The following DCAF5 variants were observed in gnomAD, a reference collection of about 807,000 sequenced individuals.
The protein encoded by DCAF5 is DDB1 and CUL4 associated factor 5, also known as DDB1- and CUL4-associated factor 5.
In DCAF5, 9 loss-of-function variants were observed where a neutral mutation model predicts 80.7. The observed-to-expected ratio is 0.11, with a 90% CI of 0.07 to 0.19. The LOEUF (loss-of-function observed/expected upper bound fraction) is 0.19, where lower values mean the gene tolerates loss of function less well. Among genes scored for constraint, DCAF5 ranks in the 10% least tolerant of loss-of-function variants. The pLI is 1.00. For synonymous variants in DCAF5, 433 were observed against 461.9 expected, an observed-to-expected ratio of 0.94 and a Z score of 0.80; for missense variants, 842 against 1,205.7, an observed-to-expected ratio of 0.70 and a Z score of 4.47.
At chr14:69,065,253 T>C (rs145194481) in intron 7 of DCAF5, among the ~76,000 whole-genome samples, 10,963 of 152,020 alleles carry the variant, frequency 0.072, 1,272 homozygotes, top group African/African-American at 0.24. Flanking sequence ...TCCACCACCA[T>C]GCCCAGCTAA....
At chr14:69,151,255 A>G (rs11158790) in intron 1 of DCAF5, among the ~76,000 whole-genome samples, 47,684 of 152,072 alleles carry the variant, frequency 0.31, 9,560 homozygotes, top group East Asian at 0.9. Flanking sequence ...CTAGTCAAAG[A>G]GAAAACGATC....
Position 69,054,339 on chromosome 14 carries a change from T to A in DCAF5, c.2347A>T (p.Lys783Ter). The change falls in exon 9 of 9, where the codon AAG (lysine) becomes TAG (stop). Residue 783 changes from lysine to a stop codon, truncating the protein, a stop_gained. Coordinates refer to ENST00000341516, the MANE Select transcript of DCAF5 (RefSeq NM_003861.3). LOFTEE classifies it high-confidence loss of function. ...HPFETKKLNG[K>*]ALSSRAEEPP... ...TCCTCAGCCCGACTGCTCAGGGCCT[T>A]TCCATTGAGCTTCTTGGTTTCAAAA... 6.2e-7 allele frequency: 1 copy of A among 1,614,182 alleles called. No homozygotes were observed. The highest frequency in any genetic ancestry group is 8.5e-7 in the Non-Finnish European group (1 of 1,180,038).
At chr14:69,137,287 G>T (rs996146943) in intron 1 of DCAF5, among the ~76,000 whole-genome samples, 3 of 152,106 alleles carry the variant, frequency 2.0e-5, no homozygotes, top group African/African-American at 7.2e-5. Flanking sequence ...AAGTTATTAA[G>T]TTAGTGGATG....
intron 8 of DCAF5, among the ~76,000 whole-genome samples, chr14:69,061,011 AT>A (rs574427953): frequency 1.1e-3 from 161 of 146,082 alleles, no homozygotes; most frequent in African/African-American, 1.5e-3. Context: ...AAAATTGAGG[AT>A]TTTTTTTTTT....
At chr14:69,126,478 A>T (rs2040878736) in intron 1 of DCAF5, among the ~76,000 whole-genome samples, 1 of 152,152 alleles carries the variant, frequency 6.6e-6, no homozygotes, top group Admixed American at 6.5e-5. Flanking sequence ...TTTTTAAGAT[A>T]TCAGTTCTTC....
chr14:69,108,167 T>C (rs997293516), intron 5 of DCAF5, among the ~76,000 whole-genome samples: 2 of 152,232 alleles, frequency 1.3e-5, no homozygotes, highest in Non-Finnish European at 2.9e-5. Flanking sequence ...AGAGATCCTT[T>C]CCTCTAGAAG....
rs372758352 is a variant in DCAF5, at chr14:69,152,754, G to A, written c.214+11C>T. ...CGGGGAGGCGCGGGGAGGGGAAGGGGGTTGATTTACCTGAGACCAGCCACT... is the reference window on the plus strand; with the variant it reads ...CGGGGAGGCGCGGGGAGGGGAAGGGAGTTGATTTACCTGAGACCAGCCACT... On this transcript the variant is annotated intron_variant, in intron 1 of 8. Coordinates refer to ENST00000341516, the MANE Select transcript of DCAF5 (RefSeq NM_003861.3). The surrounding 1 kb of genome is among the most constrained non-coding windows in gnomAD (Gnocchi z 4.1). 2.5e-6 allele frequency: 4 copies of A among 1,610,736 alleles called. No homozygotes were observed. The highest frequency in any genetic ancestry group is 1.3e-5 in the African/African-American group (1 of 74,828).
rs1342362617 is a variant in DCAF5, at chr14:69,153,081, A to C, written c.-103T>G. ...GCCCTCCCCCCGCGCTGCGATCCGG[A>C]TGGTTCTTTAACCAGCCATGGCAGG... On this transcript the variant is annotated 5_prime_UTR_variant, in exon 1 of 9. Transcript: ENST00000341516. The C allele has an allele frequency of 2.1e-6, 2 of 938,986 alleles. No homozygotes were observed. Among genetic ancestry groups the C allele is most frequent in the East Asian group, 3.2e-5 (1 of 31,014 alleles). 58.2% of individuals were successfully genotyped at this position (938,986 alleles called of 1,614,324 possible). A position where few individuals can be genotyped will look rare whatever the true frequency, so the allele number is the denominator to read the frequency against.
rs1411866053 is a variant in DCAF5 at position 69,051,327 on chromosome 14, T to A, written c.*2530A>T. On this transcript the variant is annotated 3_prime_UTR_variant, in exon 9 of 9. Transcript: ENST00000341516. Reference sequence around the variant, plus strand: ...TAAATGTGCCATCAAAGTTGGGGCCTCAATTCTAAAAGAGTTTAGGCAAAG... The same window carrying A: ...TAAATGTGCCATCAAAGTTGGGGCCACAATTCTAAAAGAGTTTAGGCAAAG... The A allele has an allele frequency of 6.6e-6, 1 of 152,624 alleles. No homozygotes were observed. Among genetic ancestry groups the A allele is most frequent in the East Asian group, 1.9e-4 (1 of 5,202 alleles). 9.5% of individuals were successfully genotyped at this position (152,624 alleles called of 1,614,324 possible). A position where few individuals can be genotyped will look rare whatever the true frequency, so the allele number is the denominator to read the frequency against.
intron 7 of DCAF5, among the ~76,000 whole-genome samples, chr14:69,063,583 GCTCCAAGTGC>G (rs1328915548): frequency 6.6e-6 from 1 of 152,180 alleles, no homozygotes; most frequent in African/African-American, 2.4e-5. Flanking sequence ...GACAGTCTCT[GCTCCAAGTGC>G]CTCCTTCCAC....
chr14:69,052,540 C>T lies in DCAF5; in HGVS notation c.*1317G>A, dbSNP rs559455517. ...CCAGACCTTCCTGTTTTGCACAACC[C>T]TTCATAGATAACCGAGTGACTGCAA... On this transcript the variant is annotated 3_prime_UTR_variant, in exon 9 of 9. Transcript: ENST00000341516. 7.9e-5 allele frequency: 12 copies of T among 152,772 alleles called. No homozygotes were observed. In the East Asian group the frequency reaches 2.3e-3, roughly 29 times the overall value. 9.5% of individuals were successfully genotyped at this position (152,772 alleles called of 1,614,324 possible).
At chr14:69,151,693 G>A (rs947846359) in intron 1 of DCAF5, among the ~76,000 whole-genome samples, 1 of 152,128 alleles carries the variant, frequency 6.6e-6, no homozygotes, top group African/African-American at 2.4e-5. Context: ...ACCCCAGGGA[G>A]GAGGGGACGA....
At chr14:69,105,280 C>A (rs1320800950) in intron 5 of DCAF5, among the ~76,000 whole-genome samples, 1 of 151,996 alleles carries the variant, frequency 6.6e-6, no homozygotes, top group African/African-American at 2.4e-5. Context: ...ATGTGTATAT[C>A]CATATATGTA....
Position 69,079,876 on chromosome 14 carries a change from T to C in DCAF5, c.880-4465A>G, listed in dbSNP as rs188333280. 2.0e-4 allele frequency among the ~76,000 whole-genome samples: 30 copies of C among 152,194 alleles called. No individual in the cohort carries two copies. The South Asian group carries it at 5.2e-3, about 26-fold the overall frequency. On this transcript the variant is annotated intron_variant, in intron 6 of 8. Coordinates refer to ENST00000341516, the MANE Select transcript of DCAF5 (RefSeq NM_003861.3). ...ATAATGTGTCCAGTGGTGACAAATA[T>C]TACAGAGGAAAATTAAACAGCAGGT...
intron 8 of DCAF5, among the ~76,000 whole-genome samples, chr14:69,060,816 G>C (rs916255601): frequency 8.5e-5 from 13 of 152,102 alleles, no homozygotes; most frequent in African/African-American, 3.1e-4. Flanking sequence ...ACAGGCGTGA[G>C]CCACCACGCC....
At chr14:69,112,407 GA>G (rs1371842509) in intron 5 of DCAF5, among the ~76,000 whole-genome samples, 13 of 152,070 alleles carry the variant, frequency 8.5e-5, no homozygotes, top group African/African-American at 2.9e-4. Context: ...ACAGATGAAA[GA>G]AAACTAGAAT....
intron 5 of DCAF5, among the ~76,000 whole-genome samples, chr14:69,108,979 T>C (rs2040259157): frequency 6.6e-6 from 1 of 152,156 alleles, no homozygotes; most frequent in Non-Finnish European, 1.5e-5. Context: ...ACTGGAATCG[T>C]AGGGAAGAAG....
At chr14:69,057,939 C>T (rs1308729901) in intron 8 of DCAF5, among the ~76,000 whole-genome samples, 1 of 152,168 alleles carries the variant, frequency 6.6e-6, no homozygotes, top group Non-Finnish European at 1.5e-5. Context: ...ACTTGAAAGC[C>T]TGTTTCTCAT....
At chr14:69,057,510 A>T (rs1289308204) in intron 8 of DCAF5, among the ~76,000 whole-genome samples, 1 of 152,236 alleles carries the variant, frequency 6.6e-6, no homozygotes, top group African/African-American at 2.4e-5. Flanking sequence ...AAATAACAAC[A>T]GTGAGATGCT....
Sources: allele counts gnomAD v4.1 joint callset (sites outside exome capture counted in the v4.1 genomes callset), GRCh38; gene constraint gnomAD v4.1.1; non-coding constraint Gnocchi (gnomAD v3.1); transcripts MANE v1.5; gene names NCBI Gene and HGNC (gene_info 2026-07-23, HGNC 2026-07-21).